Variants in NID2 observed in about 807,000 individuals in gnomAD.
The protein encoded by NID2 is nidogen 2.
NID2 carries 83 observed loss-of-function variants against 145.4 expected under a neutral mutation model. The ratio of observed to expected loss-of-function variants is 0.57; its 90% CI spans 0.48 to 0.69. The LOEUF (loss-of-function observed/expected upper bound fraction) is 0.69, where lower values mean the gene tolerates loss of function less well. Ranked by LOEUF, NID2 falls within the 30% of genes least tolerant of loss-of-function variation. The pLI, the probability that NID2 is intolerant of heterozygous loss-of-function variation, is 0.00. For missense variants in NID2, 1,807 were observed against 1,765.7 expected, an observed-to-expected ratio of 1.02 and a Z score of -0.42; for synonymous variants, 739 against 701.3, an observed-to-expected ratio of 1.05 and a Z score of -0.85.
chr14:52,057,495 G>T (rs1252493127), intron 3 of NID2, among the ~76,000 whole-genome samples: 8 of 152,038 alleles, frequency 5.3e-5, no homozygotes. Flanking sequence ...CTGAGGTCAG[G>T]AGTTTTAGAC....
At chr14:52,046,052 G>A (rs975442336) in intron 5 of NID2, among the ~76,000 whole-genome samples, 5 of 152,138 alleles carry the variant, frequency 3.3e-5, no homozygotes, top group South Asian at 2.1e-4. Flanking sequence ...GGCTGGGCCC[G>A]GCAGCTCACA....
intron 9 of NID2, among the ~76,000 whole-genome samples, chr14:52,037,979 T>C (rs1892136062): frequency 6.6e-6 from 1 of 152,222 alleles, no homozygotes; most frequent in African/African-American, 2.4e-5. Flanking sequence ...CATTGCGAAC[T>C]TGTTCTTTAG....
chr14:52,026,979 C>T (rs1891607186), intron 12 of NID2, among the ~76,000 whole-genome samples: 2 of 152,238 alleles, frequency 1.3e-5, no homozygotes, highest in African/African-American at 2.4e-5. Context: ...ACAGGAACGT[C>T]TCCGCCAAGG....
chr14:52,046,207 C>T (rs1892485963), intron 5 of NID2, among the ~76,000 whole-genome samples: 1 of 151,574 alleles, frequency 6.6e-6, no homozygotes, highest in South Asian at 2.1e-4. Flanking sequence ...CCTGTAGTCC[C>T]AGCTACTCGG....
At chr14:52,063,266 T>C (rs1390965) in intron 2 of NID2, among the ~76,000 whole-genome samples, 33,055 of 152,168 alleles carry the variant, frequency 0.22, 5,181 homozygotes, top group East Asian at 0.5. Context: ...CTGCCAAACC[T>C]GACAAACGAG....
chr14:52,065,661 A>G lies in NID2; in HGVS notation c.534+2197T>C, dbSNP rs28429650. 6.1e-3 allele frequency among the ~76,000 whole-genome samples: 394 copies of G among 64,098 alleles called. 7 individuals are homozygous for G. The highest frequency in any genetic ancestry group is 0.027 in the African/African-American group (360 of 13,262). 42.1% of individuals were successfully genotyped at this position (64,098 alleles called of 152,430 possible). A position where few individuals can be genotyped will look rare whatever the true frequency, so the allele number is the denominator to read the frequency against. ...CAATGCTATCCCTCCCCCCTCCCCCAACCCCACCACAGTCCCCAGAGTGTG... is the reference window on the plus strand; with the variant it reads ...CAATGCTATCCCTCCCCCCTCCCCCGACCCCACCACAGTCCCCAGAGTGTG... On this transcript the variant is annotated intron_variant, in intron 2 of 21. Coordinates refer to ENST00000216286, the MANE Select transcript of NID2 (RefSeq NM_007361.4).
chr14:52,066,631 T>A (rs1427526015), intron 2 of NID2, among the ~76,000 whole-genome samples: 1 of 152,066 alleles, frequency 6.6e-6, no homozygotes, highest in East Asian at 1.9e-4. Context: ...ACAAAAGATA[T>A]AAGTCACAGC....
intron 5 of NID2, among the ~76,000 whole-genome samples, chr14:52,051,565 C>T (rs1234429552): frequency 6.6e-6 from 1 of 152,194 alleles, no homozygotes; most frequent in Admixed American, 6.5e-5. Flanking sequence ...CCACTCCCAC[C>T]CCACAGCTTC....
chr14:52,044,064 CGAG>C (rs1467651776), intron 5 of NID2, among the ~76,000 whole-genome samples: 3 of 151,834 alleles, frequency 2.0e-5, no homozygotes, highest in African/African-American at 7.3e-5. Context: ...TATCTGGAAA[CGAG>C]GAGACAGGAG....
rs377050220 is a variant in NID2, at chr14:52,042,184, G to C, written c.1746C>G (p.Pro582=). The change falls in exon 7 of 22, where the codon CCC becomes CCG. Residue 582 remains proline, a synonymous_variant. Coordinates refer to ENST00000216286, the MANE Select transcript of NID2 (RefSeq NM_007361.4). ...IPQPAAQALL[P]LTPIGGLFGW... ...CAAACAGGCCTCCAATTGGTGTGAG[G>C]GGGAGGAGGGCCTGGGCTGCTGGCT... 8.1e-6 allele frequency: 13 copies of C among 1,614,082 alleles called. No individual in the cohort carries two copies. Among genetic ancestry groups the C allele is most frequent in the African/African-American group, 6.7e-5 (5 of 74,948 alleles).
chr14:52,043,868 G>A (rs888121929), intron 5 of NID2, among the ~76,000 whole-genome samples: 7 of 152,130 alleles, frequency 4.6e-5, no homozygotes, highest in Non-Finnish European at 8.8e-5. Context: ...ATGGCCACCA[G>A]GAGGCCAAGC....
chr14:52,039,531 G>C (rs1892199667), intron 8 of NID2, among the ~76,000 whole-genome samples: 1 of 152,216 alleles, frequency 6.6e-6, no homozygotes, highest in East Asian at 1.9e-4. Flanking sequence ...TAGGAGTCAA[G>C]CTCAGGTCAG....
At chr14:52,058,096 G>A (rs1892914977) in intron 3 of NID2, among the ~76,000 whole-genome samples, 1 of 152,182 alleles carries the variant, frequency 6.6e-6, no homozygotes. Context: ...GCTGTTTACT[G>A]CAATGATATT....
rs767074714 is a variant in NID2, at chr14:52,011,581, C to A, written c.3523G>T (p.Ala1175Ser). ...GAATTCACGATCGTCTCAGGCTCTGCTCCCAGTTCCAGACCAGCACGGCTG... is the reference window on the plus strand; with the variant it reads ...GAATTCACGATCGTCTCAGGCTCTGATCCCAGTTCCAGACCAGCACGGCTG... ...TISRAGLELG[A>S]EPETIVNSGL... is the part of the protein sequence containing the mutation. The change falls in exon 17 of 22, where the codon GCA becomes TCA. Residue 1175 changes from alanine (A) to serine (S), a missense_variant. Transcript: ENST00000216286. 6.2e-7 allele frequency: 1 copy of A among 1,614,210 alleles called. No individual in the cohort carries two copies. Among genetic ancestry groups the A allele is most frequent in the African/African-American group, 1.3e-5 (1 of 75,042 alleles).
intron 9 of NID2, among the ~76,000 whole-genome samples, chr14:52,037,025 A>C (rs1472807276): frequency 6.6e-6 from 1 of 152,192 alleles, no homozygotes; most frequent in African/African-American, 2.4e-5. Flanking sequence ...TTGTGCTTTT[A>C]GTGTCGTACC....
chr14:52,047,550 A>C (rs1892547234), intron 5 of NID2, among the ~76,000 whole-genome samples: 1 of 152,112 alleles, frequency 6.6e-6, no homozygotes, highest in African/African-American at 2.4e-5. Context: ...ACATGCTCCG[A>C]CTACAGTAAA....
chr14:52,041,974 A>G, intron 7 of NID2, 131 bp downstream of exon 7: 1 of 1,158,712 alleles, frequency 8.6e-7, no homozygotes. Context: ...CCAGAAAACT[A>G]CACACATGTG....
Position 52,068,151 on chromosome 14 carries a change from C to T in NID2, c.241G>A (p.Gly81Ser). The T allele has an allele frequency of 6.2e-7, 1 of 1,613,058 alleles. No individual in the cohort carries two copies. Reference protein sequence around the residue: ...RFSNLYVGTNGIISTQDFPRE... With the variant: ...RFSNLYVGTNSIISTQDFPRE... Reference sequence around the variant, plus strand: ...GGGAAGTCCTGAGTGGAGATGATGCCGTTGGTGCCCACCTGGGAGAGGAGA... The same window carrying T: ...GGGAAGTCCTGAGTGGAGATGATGCTGTTGGTGCCCACCTGGGAGAGGAGA... Residue 81 changes from glycine to serine, a missense_variant, in exon 2 of 22, where the codon GGC becomes AGC. Coordinates refer to ENST00000216286, the MANE Select transcript of NID2 (RefSeq NM_007361.4).
intron 18 of NID2, 161 bp from the exon 19 acceptor site, chr14:52,008,128 T>C (rs566619815): frequency 1.4e-4 from 85 of 591,642 alleles, no homozygotes; most frequent in Admixed American, 6.5e-4. Flanking sequence ...TTCTAGTGCA[T>C]AGAGTATAGC....
Sources: allele counts gnomAD v4.1 joint callset (sites outside exome capture counted in the v4.1 genomes callset), GRCh38; gene constraint gnomAD v4.1.1; transcripts MANE v1.5; gene names NCBI Gene and HGNC (gene_info 2026-07-23, HGNC 2026-07-21).